Variants in UBAP2 observed in about 807,000 individuals in gnomAD.
UBAP2 encodes the protein ubiquitin-associated protein 2.
Under a neutral mutation model 139.6 loss-of-function variants are expected in UBAP2, and 75 were observed. The observed-to-expected ratio is 0.54, with a 90% CI of 0.45 to 0.65. The LOEUF (loss-of-function observed/expected upper bound fraction) is 0.65. Ranked by LOEUF, UBAP2 falls within the 30% of genes least tolerant of loss-of-function variation. The pLI, the probability that UBAP2 is intolerant of heterozygous loss-of-function variation, is 0.00. For synonymous variants in UBAP2, 526 were observed against 526.2 expected (o/e 1.00, Z 0.01); for missense variants, 1,368 against 1,369.6 (o/e 1.00, Z 0.02).
chr9:33,955,917 T>C (rs770289040), intron 11 of UBAP2, among the ~76,000 whole-genome samples, 162 bp downstream of exon 11: 18 of 151,708 alleles, frequency 1.2e-4, no homozygotes, highest in South Asian at 2.1e-4. Context: ...TAGAAAATGA[T>C]TGAAGCTCTG....
chr9:34,039,575 C>A (rs1826850406), intron 1 of UBAP2, among the ~76,000 whole-genome samples: 1 of 152,104 alleles, frequency 6.6e-6, no homozygotes, highest in Non-Finnish European at 1.5e-5. Context: ...CTCTCTGAAA[C>A]ATGTGCTGTG....
chr9:33,944,382 T>C lies in UBAP2; in HGVS notation c.1528A>G (p.Ile510Val). Residue 510 changes from isoleucine to valine, a missense_variant, in exon 14 of 29, where the codon ATA (isoleucine) becomes GTA (valine). By Grantham distance (29) the Ile-to-Val change is conservative (BLOSUM62 3). Coordinates refer to ENST00000379238, the MANE Select transcript of UBAP2 (RefSeq NM_001370062.2). Reference sequence around the variant, plus strand: ...ATGCCCACCTTAGAAGCTGGGGGTATCCGCCGCTTAGCAAGTTTGATGTGT... The same window carrying C: ...ATGCCCACCTTAGAAGCTGGGGGTACCCGCCGCTTAGCAAGTTTGATGTGT... ...PKHIKLAKRR[I>V]PPASKIPASA... 1 of 1,612,880 alleles carries C rather than the reference T, an allele frequency of 6.2e-7. No individual in the cohort carries two copies.
intron 1 of UBAP2, among the ~76,000 whole-genome samples, chr9:34,045,343 A>AAAAAAAAAAAAGGGTAG (rs1039404346): frequency 1.4e-4 from 20 of 144,640 alleles, no homozygotes; most frequent in Admixed American, 1.3e-3. Context: ...GACTGTCTTC[A>AAAAAAAAAAAAGGGTAG]AAAAAAAAAA....
chr9:34,023,107 T>C (rs1825104109), intron 1 of UBAP2, among the ~76,000 whole-genome samples: 1 of 151,410 alleles, frequency 6.6e-6, no homozygotes, highest in African/African-American at 2.4e-5. Context: ...GCGCCTGTAG[T>C]CCCAGCTACT....
At chr9:33,996,160 T>C (rs1221925367) in intron 4 of UBAP2, 63 bp downstream of exon 4, 9 of 1,294,150 alleles carry the variant, frequency 7.0e-6, no homozygotes, top group South Asian at 5.0e-5. Flanking sequence ...CAAGGTGAAG[T>C]TGAAAATGTG....
chr9:33,987,045 G>C (rs1040051541), intron 5 of UBAP2, among the ~76,000 whole-genome samples: 10 of 152,020 alleles, frequency 6.6e-5, no homozygotes, highest in African/African-American at 1.9e-4. Context: ...TCCAGCACTT[G>C]TAATTTCCAG....
intron 6 of UBAP2, among the ~76,000 whole-genome samples, chr9:33,980,156 C>G (rs560679254): frequency 3.1e-4 from 46 of 150,286 alleles, no homozygotes; most frequent in African/African-American, 1.0e-3. Flanking sequence ...TCTAATAATT[C>G]CGCTTTAATC....
chr9:33,948,348 C>A, intron 13 of UBAP2, 26 bp downstream of exon 13: 1 of 1,563,818 alleles, frequency 6.4e-7, no homozygotes, highest in South Asian at 1.2e-5. Context: ...TCAGTAGGGG[C>A]AAACCCACAA....
At chr9:34,020,099 G>A (rs1053890668) in intron 1 of UBAP2, among the ~76,000 whole-genome samples, 1 of 149,016 alleles carries the variant, frequency 6.7e-6, no homozygotes, top group East Asian at 2.0e-4. Context: ...GGCGGAGGTT[G>A]CAGTGAGCCC....
rs1467564204 is a variant in UBAP2 at position 33,926,973 on chromosome 9, T to A, written c.2463+16A>T. The A allele has an allele frequency of 6.2e-7, 1 of 1,612,848 alleles. No individual in the cohort carries two copies. Among genetic ancestry groups the A allele is most frequent in the Admixed American group, 1.7e-5 (1 of 60,020 alleles). On this transcript the variant is annotated intron_variant, in intron 21 of 28. Coordinates refer to ENST00000379238, the MANE Select transcript of UBAP2 (RefSeq NM_001370062.2). Reference sequence around the variant, plus strand: ...CAGGGGAGCTGGGCAGGCCAGGAGTTCCGCCATACACTCACCGGGTAGGCA... The same window carrying A: ...CAGGGGAGCTGGGCAGGCCAGGAGTACCGCCATACACTCACCGGGTAGGCA...
Position 33,932,564 on chromosome 9 carries a change from T to C in UBAP2, c.2173A>G (p.Thr725Ala), listed in dbSNP as rs756366558. ...HAALSSSTSHTHASVESASSH... is the reference protein window; with the variant it reads ...HAALSSSTSHAHASVESASSH... ...GAGGAAGCCGCGCAGACACTTACTG[T>C]GTGTGACGTGCTCGAGGAGAGGGCT... is the stretch of plus-strand genomic sequence containing the variant. Residue 725 changes from threonine (T) to alanine (A), a missense_variant and splice_region_variant, in exon 19 of 29, where the codon ACA becomes GCA. Thr to Ala is a moderately conservative substitution (Grantham distance 58). Transcript: ENST00000379238. 5 of 1,613,916 alleles carry C rather than the reference T, an allele frequency of 3.1e-6. No homozygotes were observed. In the Admixed American group the frequency reaches 8.3e-5, roughly 27 times the overall value.
intron 8 of UBAP2, chr9:33,968,625 A>C: frequency 3.6e-6 from 1 of 278,808 alleles, no homozygotes; most frequent in South Asian, 4.6e-5. Context: ...TACTGAAATA[A>C]TCATACGGAT....
chr9:33,986,993 A>G (rs1368838945), intron 5 of UBAP2, among the ~76,000 whole-genome samples, 156 bp from the exon 6 acceptor site: 1 of 152,210 alleles, frequency 6.6e-6, no homozygotes, highest in Non-Finnish European at 1.5e-5. Context: ...AAAGTGACTT[A>G]AAAACTGAAT....
chr9:33,958,479 T>G lies in UBAP2; in HGVS notation c.799-2333A>C, dbSNP rs147467918. On this transcript the variant is annotated intron_variant, in intron 10 of 28. Coordinates refer to ENST00000379238, the MANE Select transcript of UBAP2 (RefSeq NM_001370062.2). ...AGGCTGGAGTGCAATGGTGTGATCTTGTCTCACTGCAAGTGCCTCCCGGGT... is the reference window on the plus strand; with the variant it reads ...AGGCTGGAGTGCAATGGTGTGATCTGGTCTCACTGCAAGTGCCTCCCGGGT... Among the ~76,000 whole-genome samples the G allele has an allele frequency of 2.6e-5, 4 of 151,932 alleles. No individual in the cohort carries two copies. The East Asian group carries it at 7.8e-4, about 30-fold the overall frequency.
intron 15 of UBAP2, 53 bp from the exon 16 acceptor site, chr9:33,941,915 TAAAAAAA>T (rs33950531): frequency 2.0e-6 from 2 of 999,724 alleles, no homozygotes; most frequent in African/African-American, 3.4e-5. Flanking sequence ...AATAGCTTCA[TAAAAAAA>T]AAAAAACATA....
At chr9:34,004,673 A>T (rs1179253802) in intron 2 of UBAP2, among the ~76,000 whole-genome samples, 6 of 150,546 alleles carry the variant, frequency 4.0e-5, no homozygotes, top group Non-Finnish European at 8.8e-5. Context: ...AGTCCCAGCT[A>T]CTCGGGAGGC....
chr9:34,032,309 C>A (rs180724996), intron 1 of UBAP2, among the ~76,000 whole-genome samples: 2 of 152,206 alleles, frequency 1.3e-5, no homozygotes, highest in South Asian at 4.1e-4. Flanking sequence ...AGATTTAATA[C>A]CAACAGCACA....
intron 2 of UBAP2, among the ~76,000 whole-genome samples, chr9:34,003,903 A>G (rs1822950104): frequency 6.6e-6 from 1 of 151,850 alleles, no homozygotes; most frequent in Non-Finnish European, 1.5e-5. Context: ...TATTTTTAGT[A>G]GAGACAGGGT....
rs150720796 is a variant in UBAP2, at chr9:33,944,637, A to G, written c.1273T>C (p.Phe425Leu). ...SQSSVLSHLDFKSQPEPSPVL... is the reference protein window; with the variant it reads ...SQSSVLSHLDLKSQPEPSPVL... Reference sequence around the variant, plus strand: ...GGGGATGGCTCAGGTTGAGATTTGAAGTCTAAAAAAAGTAAGCAGCAATTA... The same window carrying G: ...GGGGATGGCTCAGGTTGAGATTTGAGGTCTAAAAAAAGTAAGCAGCAATTA... The change falls in exon 14 of 29, where the codon TTC (phenylalanine) becomes CTC (leucine). Residue 425 changes from phenylalanine (F) to leucine (L), a missense_variant and splice_region_variant. Physicochemically the swap from Phe to Leu is conservative, Grantham distance 22. Coordinates refer to ENST00000379238, the MANE Select transcript of UBAP2 (RefSeq NM_001370062.2). The G allele has an allele frequency of 6.8e-6, 11 of 1,611,366 alleles. No individual in the cohort carries two copies. The African/African-American group carries it at 1.3e-4, about 20-fold the overall frequency.
Sources: gnomAD v4.1 joint callset for allele counts (sites outside exome capture counted in the v4.1 genomes callset) on GRCh38, gnomAD v4.1.1 for gene constraint, MANE v1.5 for transcripts, NCBI Gene and HGNC (gene_info 2026-07-23, HGNC 2026-07-21) for gene names.